Variants in DCTN1 observed in about 807,000 individuals in gnomAD.
DCTN1 encodes 150 kDa dynein-associated polypeptide.
Under a neutral mutation model 161.2 loss-of-function variants are expected in DCTN1, and 61 were observed. The observed-to-expected ratio is 0.38, with a 90% confidence interval of 0.31 to 0.47. The LOEUF (loss-of-function observed/expected upper bound fraction) is 0.47. Ranked by LOEUF, DCTN1 falls within the 20% of genes least tolerant of loss-of-function variation. The pLI is 0.99. For synonymous variants in DCTN1, 653 were observed against 632.4 expected (o/e 1.03, Z -0.49); for missense variants, 1,404 against 1,623.7 (o/e 0.86, Z 2.33).
chr2:74,388,197 AAAAAC>A (rs56908271), intron 1 of DCTN1, among the ~76,000 whole-genome samples: 1 of 150,668 alleles, frequency 6.6e-6, no homozygotes, highest in African/African-American at 2.5e-5. Flanking sequence ...ACTGTATCTC[AAAAAC>A]AAAACAAAAC....
chr2:74,371,660 T>C lies in DCTN1; in HGVS notation c.522A>G (p.Ser174=). 6.3e-7 allele frequency: 1 copy of C among 1,599,830 alleles called. No individual in the cohort carries two copies. Among genetic ancestry groups the C allele is most frequent in the Non-Finnish European group, 8.5e-7 (1 of 1,174,516 alleles). Reference sequence around the variant, plus strand: ...GCTCACTGCTGCTCAGCTCACCTGCTGACGCTGAGCCAGAGGGGCCCAGGG... The same window carrying C: ...GCTCACTGCTGCTCAGCTCACCTGCCGACGCTGAGCCAGAGGGGCCCAGGG... ...SSSLGPSGSA[S]AGELSSSEPS... Residue 174 remains serine, a synonymous_variant, in exon 8 of 32, where the codon TCA becomes TCG. Transcript: ENST00000628224.
Position 74,370,926 on chromosome 2 carries a change from T to C in DCTN1, c.843+53A>G. 6.2e-7 allele frequency: 1 copy of C among 1,613,374 alleles called. No individual in the cohort carries two copies. The highest frequency in any genetic ancestry group is 8.5e-7 in the Non-Finnish European group (1 of 1,180,022). ...TCCAGCTCCAGTCTAGTTTCCAGCA[T>C]GCTTCCTTAGGTCTCAGGCTGCCCC... On this transcript the variant is annotated intron_variant, in intron 9 of 31. Transcript: ENST00000628224. The surrounding 1 kb of genome is among the most constrained non-coding windows in gnomAD (Gnocchi z 4.4).
Position 74,367,832 on chromosome 2 carries a change from T to A in DCTN1, c.2048A>T (p.Lys683Met). 1.2e-6 allele frequency: 2 copies of A among 1,614,152 alleles called. No individual in the cohort carries two copies. Among genetic ancestry groups the A allele is most frequent in the Non-Finnish European group, 1.7e-6 (2 of 1,180,022 alleles). The change falls in exon 18 of 32, where the codon AAG (lysine) becomes ATG (methionine). Residue 683 changes from lysine (K) to methionine (M), a missense_variant. Around this residue, in one of 9 missense-constraint regions of DCTN1, gnomAD observed 475 missense variants for 489.8 expected, o/e 0.97. Coordinates refer to ENST00000628224, the MANE Select transcript of DCTN1 (RefSeq NM_004082.5). ...CTCAGGGTACAGGCTGCCCACTTTC[T>A]TATACACATCCACACTGCACTGAGA... ...ALSQCSVDVY[K>M]KVGSLYPEMS...
intron 7 of DCTN1, 48 bp from the exon 8 acceptor site, chr2:74,371,776 G>A (rs780558851): frequency 4.1e-6 from 6 of 1,457,384 alleles, no homozygotes; most frequent in African/African-American, 2.8e-5. Context: ...AGAGGATAGG[G>A]GTAGTAAGAG....
At chr2:74,363,755 C>T in intron 26 of DCTN1, 127 bp from the exon 27 acceptor site, 1 of 1,261,416 alleles carries the variant, frequency 7.9e-7, no homozygotes, top group Non-Finnish European at 1.1e-6. Flanking sequence ...TCCTAATCAT[C>T]ATACTTTCTC....
At chr2:74,386,472 A>G (rs1675738422) in intron 1 of DCTN1, 1 of 152,242 alleles carries the variant, frequency 6.6e-6, no homozygotes, top group Admixed American at 6.5e-5. Context: ...GTCAGCCATT[A>G]TTATTATGAG....
In DCTN1 at chr2:74,366,853, T is replaced by C. The variant is rs773793200; in HGVS notation, c.2396A>G (p.Lys799Arg). 15 of 1,614,256 alleles carry C rather than the reference T, an allele frequency of 9.3e-6. No homozygotes were observed. The highest frequency in any genetic ancestry group is 1.3e-5 in the Non-Finnish European group (15 of 1,180,048). The change falls in exon 21 of 32, where the codon AAG becomes AGG. Residue 799 changes from lysine to arginine, a missense_variant. Coordinates refer to ENST00000628224, the MANE Select transcript of DCTN1 (RefSeq NM_004082.5). ...CCCTGGCATTCGCCTTCGGATCTTC[T>C]TGCAGAACTGGCGGATGTCACTGCA... ...TSCSDIRQFC[K>R]KIRRRMPGTD...
At position 74,370,936 on chromosome 2, in the gene DCTN1, G is replaced by A. The variant is rs762476536; in HGVS notation, c.843+43C>T. On this transcript the variant is annotated intron_variant, in intron 9 of 31. Coordinates refer to ENST00000628224, the MANE Select transcript of DCTN1 (RefSeq NM_004082.5). This position sits in a 1 kb window ranked among gnomAD's most constrained non-coding sequence, Gnocchi z 4.4. The stretch of plus-strand genomic sequence containing the variant: ...GTCTAGTTTCCAGCATGCTTCCTTA[G>A]GTCTCAGGCTGCCCCAGCCACCCCC... The A allele has an allele frequency of 6.2e-7, 1 of 1,613,278 alleles. No individual in the cohort carries two copies. Among genetic ancestry groups the A allele is most frequent in the South Asian group, 1.1e-5 (1 of 91,038 alleles).
rs535614130 is a variant in DCTN1, at chr2:74,377,417, C to A, written c.393+15G>T. ...TCCCTTTATTATTCCCCATTCCCAC[C>A]CCCAAATCACTCACCAGTTTGCTAG... On this transcript the variant is annotated intron_variant, in intron 4 of 31. Coordinates refer to ENST00000628224, the MANE Select transcript of DCTN1 (RefSeq NM_004082.5). 53 of 1,611,238 alleles carry A rather than the reference C, an allele frequency of 3.3e-5. No individual in the cohort carries two copies. The South Asian group carries it at 5.5e-4, about 17-fold the overall frequency.
chr2:74,381,707 G>A (rs1004637752), upstream of DCTN1, among the ~76,000 whole-genome samples: 16 of 152,050 alleles, frequency 1.1e-4, no homozygotes, highest in Non-Finnish European at 5.9e-5. Context: ...TTTATCACTT[G>A]GTAGCTACAT....
At chr2:74,372,789 C>T in intron 7 of DCTN1, 139 bp downstream of exon 7, 1 of 928,098 alleles carries the variant, frequency 1.1e-6, no homozygotes, top group Non-Finnish European at 1.8e-6. Context: ...ACTGCGAACC[C>T]CCACCCTTTC....
chr2:74,376,859 G>A (rs185439420), intron 4 of DCTN1, 97 bp from the exon 5 acceptor site: 19 of 1,084,632 alleles, frequency 1.8e-5, no homozygotes, highest in South Asian at 5.4e-5. Context: ...ACGCGGGTAG[G>A]GGGGAGTCAG....
chr2:74,378,037 CAAGTG>C lies in DCTN1; in HGVS notation c.237_241del (p.Phe79LeufsTer2). ...CACAAAGATGCCATGCCCTTCATCA[CAAGTG>C]AAGTACTTCCTGCCTTGAACAGTTC... On this transcript the variant is annotated frameshift_variant, in exon 2 of 32. Transcript: ENST00000628224. LOFTEE classifies it high-confidence loss of function. 6.2e-7 allele frequency: 1 copy of C among 1,614,284 alleles called. No individual in the cohort carries two copies.
intron 1 of DCTN1, 76 bp downstream of exon 1, chr2:74,379,929 C>T (rs1380773474): frequency 1.4e-6 from 2 of 1,473,230 alleles, no homozygotes; most frequent in Non-Finnish European, 9.5e-7. Flanking sequence ...CCCCAGCCCC[C>T]ACAGCAATGA....
chr2:74,382,082 C>T (rs190468043), upstream of DCTN1, among the ~76,000 whole-genome samples: 58 of 152,262 alleles, frequency 3.8e-4, no homozygotes, highest in Non-Finnish European at 7.1e-4. Flanking sequence ...TCACCATTAC[C>T]ACAGACATAT....
Position 74,368,064 on chromosome 2 carries a change from C to A in DCTN1, c.1922G>T (p.Gly641Val). ...ELSENCSERPGLRGAAGEQLS... is the reference protein window; with the variant it reads ...ELSENCSERPVLRGAAGEQLS... ...TTGCTCCCCAGCAGCTCCTCGCAGC[C>A]CAGGCCGCTCTGAACAGTTCTCACT... Residue 641 changes from glycine to valine, a missense_variant, in exon 17 of 32, where the codon GGG becomes GTG. By Grantham distance (109) the Gly-to-Val change is moderately radical. This residue lies in a region of DCTN1 where 475 missense variants were observed against 489.8 expected (regional missense o/e 0.97). Coordinates refer to ENST00000628224, the MANE Select transcript of DCTN1 (RefSeq NM_004082.5). The A allele has an allele frequency of 6.2e-7, 1 of 1,612,486 alleles. No homozygotes were observed. The highest frequency in any genetic ancestry group is 1.1e-5 in the South Asian group (1 of 90,798).
At chr2:74,383,468 G>T (rs956019798), upstream of DCTN1, among the ~76,000 whole-genome samples, 10 of 152,230 alleles carry the variant, frequency 6.6e-5, no homozygotes, top group African/African-American at 2.4e-4. Flanking sequence ...TCTTGTTCCT[G>T]AGCAGGAGAC....
At chr2:74,365,280 C>G in intron 25 of DCTN1, 39 bp from the exon 26 acceptor site, 2 of 1,612,178 alleles carry the variant, frequency 1.2e-6, no homozygotes, top group Non-Finnish European at 1.7e-6. Context: ...TGTCCCTTCT[C>G]TAAAGCACTC....
intron 1 of DCTN1, among the ~76,000 whole-genome samples, chr2:74,379,800 A>C (rs1168167992): frequency 1.3e-5 from 2 of 152,132 alleles, no homozygotes; most frequent in Non-Finnish European, 2.9e-5. Context: ...AGGCCTTGCT[A>C]GTCCCCATTT....
Sources: gnomAD v4.1 joint callset for allele counts (sites outside exome capture counted in the v4.1 genomes callset) on GRCh38, gnomAD v4.1.1 for gene constraint, gnomAD v4.1.1 regional missense constraint, Gnocchi (gnomAD v3.1) non-coding constraint, MANE v1.5 for transcripts, NCBI Gene and HGNC (gene_info 2026-07-23, HGNC 2026-07-21) for gene names.